The following DNAJC10 variants were observed in gnomAD, a reference collection of about 807,000 sequenced individuals.
DNAJC10 encodes the protein endoplasmic reticulum disulfide reductase DNAJC10.
Under a neutral mutation model 115.0 loss-of-function variants are expected in DNAJC10, and 101 were observed. The ratio of observed to expected loss-of-function variants is 0.88; its 90% CI spans 0.75 to 1.04. The LOEUF (loss-of-function observed/expected upper bound fraction) is 1.04. Among genes scored for constraint, DNAJC10 ranks in the 50% least tolerant of loss-of-function variants. The pLI is 0.00. For missense variants in DNAJC10, 981 were observed against 928.8 expected (o/e 1.06, Z -0.73); for synonymous variants, 307 against 301.5 (o/e 1.02, Z -0.19).
At chr2:182,757,664 T>G (rs369815200) in intron 18 of DNAJC10, 28 bp from the exon 19 acceptor site, 1 of 1,467,126 alleles carries the variant, frequency 6.8e-7, no homozygotes, top group African/African-American at 1.4e-5. Flanking sequence ...TAAAAAGTTA[T>G]GGAGGTAATC....
At chr2:182,743,312 T>TATAAAC (rs1191440129) in intron 13 of DNAJC10, among the ~76,000 whole-genome samples, 1 of 152,260 alleles carries the variant, frequency 6.6e-6, no homozygotes, top group Non-Finnish European at 1.5e-5. Context: ...CTCAAGATTA[T>TATAAAC]ATAAACATTC....
chr2:182,745,910 C>T (rs1259893661), intron 14 of DNAJC10, among the ~76,000 whole-genome samples: 2 of 151,732 alleles, frequency 1.3e-5, no homozygotes, highest in African/African-American at 2.4e-5. Flanking sequence ...CACAACAGTA[C>T]CCAGAGTGTG....
intron 22 of DNAJC10, among the ~76,000 whole-genome samples, chr2:182,769,162 T>A (rs1350155795): frequency 6.6e-6 from 1 of 152,150 alleles, no homozygotes; most frequent in Non-Finnish European, 1.5e-5. Context: ...AACGCATCCT[T>A]TTTTATGGCT....
At chr2:182,733,026 A>G (rs1693491109) in intron 10 of DNAJC10, among the ~76,000 whole-genome samples, 1 of 151,978 alleles carries the variant, frequency 6.6e-6, no homozygotes, top group Admixed American at 6.6e-5. Flanking sequence ...TGAATATAAT[A>G]ATGTTATGTT....
At chr2:182,768,901 G>T (rs1485010547) in intron 22 of DNAJC10, among the ~76,000 whole-genome samples, 1 of 152,134 alleles carries the variant, frequency 6.6e-6, no homozygotes, top group Non-Finnish European at 1.5e-5. Context: ...AGGTATACAT[G>T]TGTCGTGTTG....
At position 182,729,961 on chromosome 2, in the gene DNAJC10, T is replaced by G. The variant is rs376902618; in HGVS notation, c.727+20T>G. The G allele has an allele frequency of 4.7e-6, 7 of 1,504,872 alleles. No individual in the cohort carries two copies. The highest frequency in any genetic ancestry group is 6.4e-6 in the Non-Finnish European group (7 of 1,093,728). 93.2% of individuals were successfully genotyped at this position (1,504,872 alleles called of 1,614,324 possible). ...GGACAGGTAATTTTATTTTCTTAAT[T>G]TGCTTGATTTTCAGGGTATTTTGAA... is the stretch of plus-strand genomic sequence containing the variant. On this transcript the variant is annotated intron_variant, in intron 8 of 23. Transcript: ENST00000264065.
At chr2:182,754,750 A>G (rs1458183953) in intron 16 of DNAJC10, 4 of 1,186,472 alleles carry the variant, frequency 3.4e-6, no homozygotes, top group South Asian at 2.7e-5. Context: ...CGATTTCTCA[A>G]TGTTTCAATG....
chr2:182,783,661 T>G lies in DNAJC10; in HGVS notation c.*6529T>G, dbSNP rs1462143325. 1.3e-5 allele frequency: 2 copies of G among 152,206 alleles called. No homozygotes were observed. Among genetic ancestry groups the G allele is most frequent in the African/African-American group, 4.8e-5 (2 of 41,476 alleles). The allele number at this position is 152,206 out of a possible 1,614,324, so 9.4% of individuals were successfully genotyped here. On this transcript the variant is annotated 3_prime_UTR_variant, in exon 24 of 24. Coordinates refer to ENST00000264065, the MANE Select transcript of DNAJC10 (RefSeq NM_018981.4). ...AACCCAGCTTTCTTGTTTTATATTT[T>G]AAATATACTTTCTATTTTGTGACAG...
At chr2:182,728,684 C>A (rs777574339) in intron 6 of DNAJC10, 26 bp downstream of exon 6, 1 of 1,584,724 alleles carries the variant, frequency 6.3e-7, no homozygotes, top group South Asian at 1.1e-5. Flanking sequence ...ATCCTCATTA[C>A]TAGTTTTATT....
At chr2:182,764,040 T>C (rs934394351) in intron 22 of DNAJC10, among the ~76,000 whole-genome samples, 1 of 151,966 alleles carries the variant, frequency 6.6e-6, no homozygotes, top group African/African-American at 2.4e-5. Context: ...CACTCAAGAG[T>C]GGAAATTTGA....
intron 4 of DNAJC10, among the ~76,000 whole-genome samples, chr2:182,721,231 A>AT (rs923162931): frequency 7.2e-5 from 11 of 152,030 alleles, no homozygotes; most frequent in African/African-American, 2.7e-4. Context: ...AGTAAATATG[A>AT]TTTTTTTTCA....
chr2:182,786,398 A>G lies in DNAJC10; in HGVS notation c.*9266A>G, dbSNP rs1200060309. 1 of 152,174 alleles carries G rather than the reference A, an allele frequency of 6.6e-6. No individual in the cohort carries two copies. The highest frequency in any genetic ancestry group is 1.5e-5 in the Non-Finnish European group (1 of 68,018). 9.4% of individuals were successfully genotyped at this position (152,174 alleles called of 1,614,324 possible). On this transcript the variant is annotated 3_prime_UTR_variant, in exon 24 of 24. Transcript: ENST00000264065. ...GAGCCTCAAGCTCTCAATATACTGG[A>G]AAATTGTAATCCTGTTCCCTTCACT...
intron 21 of DNAJC10, among the ~76,000 whole-genome samples, chr2:182,761,951 T>G (rs916232534): frequency 2.0e-5 from 3 of 151,672 alleles, no homozygotes; most frequent in Non-Finnish European, 4.4e-5. Context: ...GAGAGAGTAG[T>G]GATAAATGCT....
rs755581776 is a variant in DNAJC10, at chr2:182,789,790, A to G, written c.*12658A>G. The stretch of plus-strand genomic sequence containing the variant: ...GCTGCACCATTTTACATTCCCACCA[A>G]TAGTGCACAAGAGTTCTGATTTTTC... On this transcript the variant is annotated 3_prime_UTR_variant, in exon 24 of 24. Coordinates refer to ENST00000264065, the MANE Select transcript of DNAJC10 (RefSeq NM_018981.4). 2.0e-5 allele frequency: 3 copies of G among 152,128 alleles called. No homozygotes were observed. The highest frequency in any genetic ancestry group is 1.3e-4 in the Admixed American group (2 of 15,280). 9.4% of individuals were successfully genotyped at this position (152,128 alleles called of 1,614,324 possible).
At chr2:182,776,657 A>G (rs187773911) in intron 23 of DNAJC10, among the ~76,000 whole-genome samples, 78 of 152,320 alleles carry the variant, frequency 5.1e-4, no homozygotes, top group African/African-American at 1.7e-3. Flanking sequence ...ACCTACCTCA[A>G]GAATATTTTT....
At chr2:182,739,249 T>TCC (rs1693669912) in intron 11 of DNAJC10, among the ~76,000 whole-genome samples, 3 of 146,994 alleles carry the variant, frequency 2.0e-5, no homozygotes, top group African/African-American at 7.4e-5. Context: ...TATATATATA[T>TCC]CTCATATATA....
chr2:182,764,674 G>A (rs1430511772), intron 22 of DNAJC10, among the ~76,000 whole-genome samples: 1 of 152,116 alleles, frequency 6.6e-6, no homozygotes, highest in Non-Finnish European at 1.5e-5. Context: ...AAGTATATAA[G>A]GGTGCATAGT....
chr2:182,752,586 CT>C (rs1454646494), intron 16 of DNAJC10: 1 of 937,022 alleles, frequency 1.1e-6, no homozygotes, highest in African/African-American at 1.8e-5. Flanking sequence ...ATGAACAAGC[CT>C]TTTGAAATCT....
intron 5 of DNAJC10, among the ~76,000 whole-genome samples, chr2:182,726,153 G>T (rs1303744365): frequency 6.6e-6 from 1 of 152,278 alleles, no homozygotes; most frequent in South Asian, 2.1e-4. Flanking sequence ...CTTCATGGAT[G>T]ACTTTGAGGT....
Sources: gnomAD v4.1 joint callset for allele counts (sites outside exome capture counted in the v4.1 genomes callset) on GRCh38, gnomAD v4.1.1 for gene constraint, MANE v1.5 for transcripts, NCBI Gene and HGNC (gene_info 2026-07-23, HGNC 2026-07-21) for gene names.